The following GREB1L variants were observed in gnomAD, a reference collection of about 807,000 sequenced individuals.
The protein encoded by GREB1L is GREB1 like retinoic acid receptor coactivator.
A neutral mutation model predicts 200.8 loss-of-function variants in GREB1L; 17 were observed. The observed-to-expected ratio is 0.08, with a 90% confidence interval of 0.06 to 0.13. GREB1L has a LOEUF of 0.13. Among genes scored for constraint, GREB1L ranks in the 10% least tolerant of loss-of-function variants. The pLI, the probability that GREB1L is intolerant of heterozygous loss-of-function variation, is 1.00. For missense variants in GREB1L, 1,657 were observed against 2,367.7 expected (o/e 0.70, Z 6.23); for synonymous variants, 789 against 893.0 (o/e 0.88, Z 2.08).
chr18:21,303,130 C>T (rs1248172307), intron 1 of GREB1L, among the ~76,000 whole-genome samples: 2 of 152,176 alleles, frequency 1.3e-5, no homozygotes, highest in African/African-American at 2.4e-5. Context: ...GTGCTGGGAG[C>T]CACCATGCCC....
chr18:21,375,284 G>A lies in GREB1L; in HGVS notation c.-9-8226G>A, dbSNP rs375416431. ...TCACCATCTTGGCCAGGCTGGTCTCGAACTTCTGACCTCGTGATTCATCCA... is the reference window on the plus strand; with the variant it reads ...TCACCATCTTGGCCAGGCTGGTCTCAAACTTCTGACCTCGTGATTCATCCA... On this transcript the variant is annotated intron_variant, in intron 2 of 32. Coordinates refer to ENST00000424526, the MANE Select transcript of GREB1L (RefSeq NM_001142966.3). 7.6e-4 allele frequency among the ~76,000 whole-genome samples: 116 copies of A among 151,812 alleles called. No individual in the cohort carries two copies. In the Middle Eastern group the frequency reaches 0.014, roughly 18 times the overall value.
chr18:21,326,959 G>A (rs903097935), intron 1 of GREB1L, among the ~76,000 whole-genome samples: 3 of 151,940 alleles, frequency 2.0e-5, no homozygotes, highest in Non-Finnish European at 4.4e-5. Context: ...GGCTGTATCA[G>A]GCTTAAAGAT....
intron 1 of GREB1L, among the ~76,000 whole-genome samples, chr18:21,350,414 T>A (rs1452431289): frequency 6.6e-6 from 1 of 151,932 alleles, no homozygotes; most frequent in African/African-American, 2.4e-5. Context: ...ATTTTTTGTA[T>A]TTTTAGTAGA....
intron 1 of GREB1L, among the ~76,000 whole-genome samples, chr18:21,328,454 A>G (rs1231479528): frequency 6.6e-6 from 1 of 152,238 alleles, no homozygotes; most frequent in Non-Finnish European, 1.5e-5. Context: ...AAGCAGAATT[A>G]GGCACAGAAA....
intron 7 of GREB1L, among the ~76,000 whole-genome samples, chr18:21,437,957 G>A (rs778698353): frequency 6.6e-6 from 1 of 152,294 alleles, no homozygotes; most frequent in Non-Finnish European, 1.5e-5. Context: ...CAAGCAAGAT[G>A]GGCTGTGTTG....
At chr18:21,401,029 A>T in intron 5 of GREB1L, 121 bp from the exon 6 acceptor site, 1 of 763,186 alleles carries the variant, frequency 1.3e-6, no homozygotes, top group Non-Finnish European at 2.1e-6. Flanking sequence ...CCTCTGAATT[A>T]TTTCCTTGAG....
chr18:21,439,588 A>G lies in GREB1L; in HGVS notation c.900A>G (p.Thr300=). 6.4e-7 allele frequency: 1 copy of G among 1,552,154 alleles called. No homozygotes were observed. The highest frequency in any genetic ancestry group is 8.7e-7 in the Non-Finnish European group (1 of 1,146,954). The change falls in exon 8 of 33, where the codon ACA becomes ACG. Residue 300 remains threonine (T), a synonymous_variant. Coordinates refer to ENST00000424526, the MANE Select transcript of GREB1L (RefSeq NM_001142966.3). ...CATCCAGCTCCACTCCAGCCCACAC[A>G]GGGAATTACTCTTTGTCACCACGAC... ...GSASSSTPAH[T]GNYSLSPRPS...
intron 19 of GREB1L, among the ~76,000 whole-genome samples, chr18:21,495,311 T>C (rs2145895992): frequency 1.3e-5 from 2 of 152,362 alleles, no homozygotes; most frequent in Middle Eastern, 6.8e-3. Flanking sequence ...TTCTCCAATG[T>C]GTGAAGAAAG....
rs2039212544 is a variant in GREB1L at position 21,337,949 on chromosome 18, T to G, written c.-119-28078T>G. 2.6e-5 allele frequency among the ~76,000 whole-genome samples: 4 copies of G among 152,070 alleles called. No individual in the cohort carries two copies. The South Asian group carries it at 8.3e-4, about 32-fold the overall frequency. On this transcript the variant is annotated intron_variant, in intron 1 of 32. Transcript: ENST00000424526. ...TTGCAGTGAGCCGAGATCGCACCAC[T>G]GCACTGCAGCCTAGGCGACAGAGCA...
chr18:21,522,002 T>C, intron 32 of GREB1L, among the ~76,000 whole-genome samples: 2 of 274 alleles, frequency 7.3e-3, no homozygotes, highest in Non-Finnish European at 0.026. Flanking sequence ...AGACTCCGTC[T>C]CCAAAAAAAA....
chr18:21,433,059 A>T (rs1014149302), intron 7 of GREB1L, among the ~76,000 whole-genome samples: 2 of 152,122 alleles, frequency 1.3e-5, no homozygotes, highest in African/African-American at 4.8e-5. Context: ...CACCACCATG[A>T]CCTATCACCC....
chr18:21,249,570 T>C (rs1394126803), intron 1 of GREB1L, among the ~76,000 whole-genome samples: 3 of 152,206 alleles, frequency 2.0e-5, no homozygotes, highest in African/African-American at 4.8e-5. Flanking sequence ...GTGAGAGATA[T>C]CTGGCCGGGT....
At chr18:21,500,462 G>A in intron 22 of GREB1L, 78 bp from the exon 23 acceptor site, 1 of 1,081,890 alleles carries the variant, frequency 9.2e-7, no homozygotes, top group Non-Finnish European at 1.4e-6. Flanking sequence ...GCAGAGCCAA[G>A]GTGTGAAATC....
intron 2 of GREB1L, among the ~76,000 whole-genome samples, chr18:21,375,070 GT>G (rs57090481): frequency 0.2 from 28,735 of 142,078 alleles, 6,618 homozygotes; most frequent in African/African-American, 0.57. Context: ...TTTTGTTTTT[GT>G]TTTTTTTTTT....
At chr18:21,287,072 C>T (rs1598630955) in intron 1 of GREB1L, among the ~76,000 whole-genome samples, 1 of 152,106 alleles carries the variant, frequency 6.6e-6, no homozygotes, top group South Asian at 2.1e-4. Flanking sequence ...TTCACCTAGC[C>T]TGCTTTGAGT....
rs2037640895 is a variant in GREB1L at position 21,523,730 on chromosome 18, A to G, written c.*909A>G. ...TGAGGTTCTGTTGCAGAGTGAAACT[A>G]GTTTGTTTCCTTTCAGGGACTCAAG... On this transcript the variant is annotated 3_prime_UTR_variant, in exon 33 of 33. Transcript: ENST00000424526. 1 of 152,258 alleles carries G rather than the reference A, an allele frequency of 6.6e-6. No homozygotes were observed. The highest frequency in any genetic ancestry group is 2.4e-5 in the African/African-American group (1 of 41,464). 9.4% of individuals were successfully genotyped at this position (152,258 alleles called of 1,614,324 possible).
intron 1 of GREB1L, among the ~76,000 whole-genome samples, chr18:21,344,600 G>A (rs1402388997): frequency 2.0e-5 from 3 of 152,120 alleles, no homozygotes; most frequent in Non-Finnish European, 2.9e-5. Context: ...AATAAAACAA[G>A]TATACAAGTA....
At chr18:21,327,928 A>C (rs1167372239) in intron 1 of GREB1L, among the ~76,000 whole-genome samples, 1 of 151,968 alleles carries the variant, frequency 6.6e-6, no homozygotes, top group Non-Finnish European at 1.5e-5. Flanking sequence ...GTTGGCCAGA[A>C]TGGTCTTGAT....
intron 15 of GREB1L, among the ~76,000 whole-genome samples, chr18:21,466,337 T>A (rs1422516076): frequency 6.6e-6 from 1 of 152,108 alleles, no homozygotes; most frequent in African/African-American, 2.4e-5. Flanking sequence ...AATGCTAAAT[T>A]TTTTCCAAAG....
Sources: gnomAD v4.1 joint callset for allele counts (sites outside exome capture counted in the v4.1 genomes callset) on GRCh38, gnomAD v4.1.1 for gene constraint, MANE v1.5 for transcripts, NCBI Gene and HGNC (gene_info 2026-07-23, HGNC 2026-07-21) for gene names.